ARFGEF3: variants seen among roughly 807,000 people sequenced by gnomAD.
ARFGEF3 encodes the protein brefeldin A-inhibited guanine nucleotide-exchange protein 3.
Under a neutral mutation model 221.7 loss-of-function variants are expected in ARFGEF3, and 96 were observed. The observed-to-expected ratio is 0.43, with a 90% CI of 0.37 to 0.51. The LOEUF (loss-of-function observed/expected upper bound fraction) is 0.51, where lower values mean the gene tolerates loss of function less well. ARFGEF3 is among the 20% of genes least tolerant of loss of function. The pLI is 0.00. For synonymous variants in ARFGEF3, 1,145 were observed against 1,126.8 expected (o/e 1.02, Z -0.32); for missense variants, 2,410 against 2,789.9 (o/e 0.86, Z 3.07).
chr6:138,315,038 T>C (rs1210587943), intron 26 of ARFGEF3, among the ~76,000 whole-genome samples: 2 of 152,220 alleles, frequency 1.3e-5, no homozygotes, highest in Non-Finnish European at 2.9e-5. Flanking sequence ...CTCTTGACTT[T>C]AGCAAATTGG....
intron 4 of ARFGEF3, among the ~76,000 whole-genome samples, chr6:138,227,456 A>G (rs1215530439): frequency 1.3e-5 from 2 of 152,222 alleles, no homozygotes; most frequent in Non-Finnish European, 2.9e-5. Flanking sequence ...CGGAAGGCAG[A>G]AAGTTGATCG....
At chr6:138,298,871 T>C in intron 22 of ARFGEF3, 86 bp downstream of exon 22, 10 of 980,662 alleles carry the variant, frequency 1.0e-5, no homozygotes, top group South Asian at 1.7e-5. Context: ...GCACACTTAC[T>C]CTTTCCAATA....
chr6:138,169,441 G>A (rs1005214636), intron 1 of ARFGEF3, among the ~76,000 whole-genome samples: 1 of 152,160 alleles, frequency 6.6e-6, no homozygotes, highest in Admixed American at 6.5e-5. Context: ...CTGTTACCCA[G>A]CCTTGGTTGA....
intron 23 of ARFGEF3, 83 bp downstream of exon 23, chr6:138,307,480 A>T (rs746077505): frequency 3.3e-5 from 41 of 1,251,342 alleles, no homozygotes; most frequent in Non-Finnish European, 4.6e-5. Flanking sequence ...AAAATTGAAC[A>T]ATAGGGAAGA....
intron 26 of ARFGEF3, among the ~76,000 whole-genome samples, chr6:138,315,580 G>A (rs575131579): frequency 2.6e-5 from 4 of 152,230 alleles, no homozygotes; most frequent in East Asian, 1.9e-4. Context: ...GGCCAGGCGC[G>A]GTGGCTCATG....
At chr6:138,185,297 G>A (rs902818177) in intron 2 of ARFGEF3, among the ~76,000 whole-genome samples, 19 of 152,184 alleles carry the variant, frequency 1.2e-4, no homozygotes, top group African/African-American at 3.9e-4. Context: ...GATAGAAAGG[G>A]CCTCCTGGCT....
intron 2 of ARFGEF3, among the ~76,000 whole-genome samples, chr6:138,183,151 G>A (rs535270068): frequency 4.1e-4 from 62 of 152,266 alleles, no homozygotes; most frequent in African/African-American, 1.3e-3. Flanking sequence ...GAGAGATCCC[G>A]TGACTGGGAA....
At chr6:138,194,150 C>A (rs1236174338) in intron 2 of ARFGEF3, among the ~76,000 whole-genome samples, 4 of 152,072 alleles carry the variant, frequency 2.6e-5, no homozygotes, top group Middle Eastern at 3.4e-3. Flanking sequence ...CGCCTGTAAT[C>A]CCAGCTACTC....
In ARFGEF3 at chr6:138,289,855, G is replaced by A; in HGVS notation, c.2934G>A (p.Gly978=). Reference sequence around the variant, plus strand: ...TGGAGCAGAAACTGGAGCAGATTGGGAAGGTGCAGGGGGTGTGGCTGCACA... The same window carrying A: ...TGGAGCAGAAACTGGAGCAGATTGGAAAGGTGCAGGGGGTGTGGCTGCACA... The part of the protein sequence containing the change: ...LKVEQKLEQI[G]KVQGVWLHTA... The change falls in exon 18 of 34, where the codon GGG becomes GGA. Residue 978 remains glycine, a synonymous_variant. Coordinates refer to ENST00000251691, the MANE Select transcript of ARFGEF3 (RefSeq NM_020340.5). 1.9e-6 allele frequency: 3 copies of A among 1,613,974 alleles called. No individual in the cohort carries two copies. Among genetic ancestry groups the A allele is most frequent in the Non-Finnish European group, 2.5e-6 (3 of 1,179,872 alleles).
intron 1 of ARFGEF3, among the ~76,000 whole-genome samples, chr6:138,163,982 A>G (rs1359734269): frequency 6.6e-6 from 1 of 152,160 alleles, no homozygotes; most frequent in Non-Finnish European, 1.5e-5. Flanking sequence ...AGAATGGGGA[A>G]GCTATGGGTT....
intron 8 of ARFGEF3, among the ~76,000 whole-genome samples, chr6:138,251,358 T>C (rs779796559): frequency 2.6e-5 from 4 of 152,216 alleles, no homozygotes; most frequent in African/African-American, 4.8e-5. Flanking sequence ...ATTTTTCTTC[T>C]TAATAACAGG....
At chr6:138,191,450 T>C (rs1180416832) in intron 2 of ARFGEF3, among the ~76,000 whole-genome samples, 1 of 152,184 alleles carries the variant, frequency 6.6e-6, no homozygotes, top group Non-Finnish European at 1.5e-5. Context: ...GGCATCTTCC[T>C]GAGCATCACA....
chr6:138,257,021 G>C (rs562051211), intron 10 of ARFGEF3, among the ~76,000 whole-genome samples: 4 of 152,064 alleles, frequency 2.6e-5, no homozygotes, highest in Non-Finnish European at 5.9e-5. Flanking sequence ...CAATCCGCCC[G>C]CCTCAGCCTT....
rs1778660770 is a variant in ARFGEF3, at chr6:138,255,564, A to C, written c.899A>C (p.Asp300Ala). 16 of 1,613,910 alleles carry C rather than the reference A, an allele frequency of 9.9e-6. No homozygotes were observed. Among genetic ancestry groups the C allele is most frequent in the Non-Finnish European group, 1.4e-5 (16 of 1,179,902 alleles). ...ESDSASPGVSDHGRGSGCSCT... is the reference protein window; with the variant it reads ...ESDSASPGVSAHGRGSGCSCT... Reference sequence around the variant, plus strand: ...GACTCTGCGTCTCCGGGAGTGTCTGACCACGGCCGAGGATCAGGCTGCTCC... The same window carrying C: ...GACTCTGCGTCTCCGGGAGTGTCTGCCCACGGCCGAGGATCAGGCTGCTCC... Residue 300 changes from aspartate (D) to alanine (A), a missense_variant, in exon 10 of 34, where the codon GAC becomes GCC. By Grantham distance (126) the Asp-to-Ala change is moderately radical. Transcript: ENST00000251691.
rs75159646 is a variant in ARFGEF3 at position 138,233,074 on chromosome 6, T to C, written c.420+3222T>C. 4.1e-3 allele frequency among the ~76,000 whole-genome samples: 624 copies of C among 152,336 alleles called. 2 individuals carry two copies. Among genetic ancestry groups the C allele is most frequent in the African/African-American group, 0.014 (584 of 41,582 alleles). On this transcript the variant is annotated intron_variant, in intron 5 of 33. Coordinates refer to ENST00000251691, the MANE Select transcript of ARFGEF3 (RefSeq NM_020340.5). ...TAGATAATTGTTCTATGGTGTTTTA[T>C]ATATATAAAGCTCAAGTGTTTATTC...
chr6:138,227,172 C>G (rs1323369069), intron 4 of ARFGEF3, among the ~76,000 whole-genome samples: 1 of 146,440 alleles, frequency 6.8e-6, no homozygotes, highest in African/African-American at 2.7e-5. Context: ...TGCAGGTATC[C>G]TCAGCTTCTG....
At chr6:138,273,836 C>T (rs1012329425) in intron 12 of ARFGEF3, among the ~76,000 whole-genome samples, 3 of 152,142 alleles carry the variant, frequency 2.0e-5, no homozygotes, top group African/African-American at 7.2e-5. Flanking sequence ...ATCAATATCA[C>T]CAGTAAACTA....
chr6:138,184,944 G>C (rs567228974), intron 2 of ARFGEF3, among the ~76,000 whole-genome samples: 278 of 152,256 alleles, frequency 1.8e-3, no homozygotes, highest in African/African-American at 6.3e-3. Flanking sequence ...CTTAGTTTAG[G>C]GGGTAATTAT....
intron 2 of ARFGEF3, among the ~76,000 whole-genome samples, chr6:138,202,152 G>T (rs571060942): frequency 1.3e-5 from 2 of 152,174 alleles, no homozygotes. Flanking sequence ...AAATTTGCAC[G>T]TGCCTGTGCA....
Sources: allele counts gnomAD v4.1 joint callset (sites outside exome capture counted in the v4.1 genomes callset), GRCh38; gene constraint gnomAD v4.1.1; transcripts MANE v1.5; gene names NCBI Gene and HGNC (gene_info 2026-07-23, HGNC 2026-07-21).